CREB3: variants seen among roughly 807,000 people sequenced by gnomAD.
CREB3 encodes cAMP responsive element binding protein 3.
CREB3 carries 29 observed loss-of-function variants against 34.5 expected under a neutral mutation model. The observed-to-expected ratio is 0.84, with a 90% confidence interval of 0.63 to 1.15. The LOEUF is 1.15. Ranked by LOEUF, CREB3 falls within the 50% of genes most tolerant of loss-of-function variation. CREB3 has a pLI of 0.00. For missense variants in CREB3, 447 were observed against 443.4 expected (o/e 1.01, Z -0.07); for synonymous variants, 187 against 173.9 (o/e 1.08, Z -0.59).
rs908745731 is a variant in CREB3, at chr9:35,736,843, G to A, written c.*117G>A. The A allele has an allele frequency of 2.9e-5, 28 of 956,348 alleles. No individual in the cohort carries two copies. Among genetic ancestry groups the A allele is most frequent in the Non-Finnish European group, 4.1e-5 (26 of 637,888 alleles). The allele number at this position is 956,348 out of a possible 1,614,324, so 59.2% of individuals were successfully genotyped here. On this transcript the variant is annotated 3_prime_UTR_variant, in exon 9 of 9. Transcript: ENST00000353704. ...TCCTGTGCCCTGTCAGGACGACTGA[G>A]GGCTCAAACACACCACACTTAATGG...
chr9:35,733,784 G>C (rs185317285), intron 4 of CREB3, among the ~76,000 whole-genome samples: 1 of 152,218 alleles, frequency 6.6e-6, no homozygotes, highest in Non-Finnish European at 1.5e-5. Flanking sequence ...TTGACACTTC[G>C]TTGGCTTCAT....
Position 35,736,734 on chromosome 9 carries a change from G to A in CREB3, c.*8G>A, listed in dbSNP as rs1387756984. ...GACAGATACTCAGGCTAGATATGAG[G>A]ATATGTGGGGGGTCTCAGCAGGAGC... On this transcript the variant is annotated 3_prime_UTR_variant, in exon 9 of 9. Transcript: ENST00000353704. 1.9e-6 allele frequency: 3 copies of A among 1,593,828 alleles called. No homozygotes were observed. The highest frequency in any genetic ancestry group is 2.6e-6 in the Non-Finnish European group (3 of 1,172,368).
Position 35,732,690 on chromosome 9 carries a change from C to T in CREB3, c.-83C>T, listed in dbSNP as rs533674202. ...CGTAGAGGGACAGTGGATAGGTGCC[C>T]GAGGCCTACAGCTGGCCTGGGGCTC... On this transcript the variant is annotated 5_prime_UTR_variant, in exon 1 of 9. Transcript: ENST00000353704. This position sits in a 1 kb window ranked among gnomAD's most constrained non-coding sequence, Gnocchi z 5.1. The T allele has an allele frequency of 2.6e-6, 4 of 1,532,516 alleles. No homozygotes were observed. In the African/African-American group the frequency reaches 5.5e-5, roughly 21 times the overall value. 94.9% of individuals were successfully genotyped at this position (1,532,516 alleles called of 1,614,324 possible).
Position 35,733,268 on chromosome 9 carries a change from G to T in CREB3, c.331G>T (p.Glu111Ter). The change falls in exon 3 of 9, where the codon GAG (glutamate) becomes TAG (stop). Residue 111 changes from glutamate to a stop codon, truncating the protein, a stop_gained. Coordinates refer to ENST00000353704, the MANE Select transcript of CREB3 (RefSeq NM_006368.5). LOFTEE classifies it high-confidence loss of function. ...GTQMTPQHMEELAEQEIARLV... is the reference protein window; with the variant it reads ...GTQMTPQHME ...CCAGATGACTCCACAGCATATGGAG[G>T]AGCTGGCAGAGCAGGTACTTGACTT... 1 of 1,614,186 alleles carries T rather than the reference G, an allele frequency of 6.2e-7. No homozygotes were observed. Among genetic ancestry groups the T allele is most frequent in the Non-Finnish European group, 8.5e-7 (1 of 1,180,032 alleles).
At chr9:35,735,901 G>C in intron 6 of CREB3, 147 bp from the exon 7 acceptor site, 2 of 649,402 alleles carry the variant, frequency 3.1e-6, no homozygotes, top group South Asian at 3.9e-5. Context: ...TTTGTCCAGA[G>C]AGGAAGAAGT....
chr9:35,733,665 G>GT (rs1204947323), intron 4 of CREB3, among the ~76,000 whole-genome samples, 180 bp downstream of exon 4: 44 of 152,042 alleles, frequency 2.9e-4, no homozygotes, highest in Non-Finnish European at 2.8e-4. Flanking sequence ...GCAGATCCTC[G>GT]TTTTTGTTGG....
intron 7 of CREB3, 36 bp from the exon 8 acceptor site, chr9:35,736,191 A>G (rs1380635218): frequency 2.5e-6 from 4 of 1,613,050 alleles, no homozygotes; most frequent in Middle Eastern, 3.3e-4. Flanking sequence ...AGGGCAATCC[A>G]GAGCCCTTCT....
At chr9:35,733,304 A>C in intron 3 of CREB3, 22 bp downstream of exon 3, 2 of 1,613,906 alleles carry the variant, frequency 1.2e-6, no homozygotes, top group South Asian at 2.2e-5. Flanking sequence ...GATTTTCAGG[A>C]GATTACTCTC....
At chr9:35,733,548 C>A in intron 4 of CREB3, 63 bp downstream of exon 4, 2 of 1,118,262 alleles carry the variant, frequency 1.8e-6, no homozygotes, top group South Asian at 2.6e-5. Context: ...TAGGCAAATT[C>A]TGTTAACTTT....
At chr9:35,734,016 C>G (rs139705473) in intron 4 of CREB3, among the ~76,000 whole-genome samples, 1 of 152,088 alleles carries the variant, frequency 6.6e-6, no homozygotes, top group Non-Finnish European at 1.5e-5. Flanking sequence ...CTCTGTTGCC[C>G]AGGCTGGAGT....
In CREB3 at chr9:35,736,903, T is replaced by C; in HGVS notation, c.*177T>C. The C allele has an allele frequency of 1.4e-6, 1 of 733,318 alleles. No homozygotes were observed. The highest frequency in any genetic ancestry group is 1.9e-5 in the South Asian group (1 of 54,044). The allele number at this position is 733,318 out of a possible 1,614,324, so 45.4% of individuals were successfully genotyped here. On this transcript the variant is annotated 3_prime_UTR_variant, in exon 9 of 9. Transcript: ENST00000353704. ...TCTTTTATTTGTACCCATGTGTCTG[T>C]CACACCATGAATGTACCTGGGGAAA...
intron 4 of CREB3, 51 bp downstream of exon 4, chr9:35,733,536 A>G (rs756441379): frequency 4.1e-5 from 54 of 1,306,590 alleles, no homozygotes; most frequent in Non-Finnish European, 5.3e-5. Flanking sequence ...AAAAGTCCCA[A>G]GTAGGCAAAT....
In CREB3 at chr9:35,733,453, C is replaced by T. The variant is rs745308543; in HGVS notation, c.403C>T (p.Leu135Phe). 2 of 1,613,392 alleles carry T rather than the reference C, an allele frequency of 1.2e-6. No homozygotes were observed. Among genetic ancestry groups the T allele is most frequent in the Admixed American group, 1.7e-5 (1 of 60,024 alleles). The change falls in exon 4 of 9, where the codon CTT becomes TTT. Residue 135 changes from leucine to phenylalanine, a missense_variant. Transcript: ENST00000353704. ...GAAGAGTCTATTGGAGAAGGAGGGG[C>T]TTATTCTGCCTGAGACACTTCCTCT... ...EEKSLLEKEG[L>F]ILPETLPLTK...
chr9:35,733,047 C>T lies in CREB3; in HGVS notation c.181C>T (p.Pro61Ser), dbSNP rs1160513240. Residue 61 changes from proline to serine, a missense_variant, in exon 2 of 9, where the codon CCA becomes TCA. By Grantham distance (74) the Pro-to-Ser change is moderately conservative. Transcript: ENST00000353704. ...TTTGCTGTGCTCCCTGCTGAGTCCC[C>T]CAGCGTCGTTGAACATTCTCAGCTC... The part of the protein sequence containing the change: ...DDLLCSLLSP[P>S]ASLNILSSSN... 4.3e-6 allele frequency: 7 copies of T among 1,614,214 alleles called. No homozygotes were observed. Among genetic ancestry groups the T allele is most frequent in the Admixed American group, 1.7e-5 (1 of 60,028 alleles).
chr9:35,732,745 T>C lies in CREB3; in HGVS notation c.-28T>C. 6.3e-7 allele frequency: 1 copy of C among 1,589,078 alleles called. No homozygotes were observed. The highest frequency in any genetic ancestry group is 2.2e-5 in the East Asian group (1 of 44,778). The stretch of plus-strand genomic sequence containing the variant: ...CTGGGCTTCGGACGTTGGGGCCCGG[T>C]GGCCCACCCTTTCCGTAGTTGTCCC... On this transcript the variant is annotated 5_prime_UTR_variant, in exon 1 of 9. Coordinates refer to ENST00000353704, the MANE Select transcript of CREB3 (RefSeq NM_006368.5). The surrounding 1 kb of genome is among the most constrained non-coding windows in gnomAD (Gnocchi z 5.1).
chr9:35,735,944 A>G (rs912001572), intron 6 of CREB3, 104 bp from the exon 7 acceptor site: 7 of 817,766 alleles, frequency 8.6e-6, no homozygotes, highest in Non-Finnish European at 1.4e-5. Context: ...AGTAAGAGAG[A>G]GGATCCAGTG....
rs1588000503 is a variant in CREB3, at chr9:35,736,969, G to A, written c.*243G>A. 1.2e-6 allele frequency: 1 copy of A among 863,522 alleles called. No homozygotes were observed. The highest frequency in any genetic ancestry group is 2.7e-5 in the East Asian group (1 of 37,590). The allele number at this position is 863,522 out of a possible 1,614,324, so 53.5% of individuals were successfully genotyped here. A position where few individuals can be genotyped will look rare whatever the true frequency, so the allele number is the denominator to read the frequency against. On this transcript the variant is annotated 3_prime_UTR_variant, in exon 9 of 9. Coordinates refer to ENST00000353704, the MANE Select transcript of CREB3 (RefSeq NM_006368.5). ...GAACATTTCACGCAGTCAGGGAACA[G>A]GTGAGGAAAGAAATAAATAAGTGAT...
At chr9:35,735,054 C>A in intron 4 of CREB3, 55 bp from the exon 5 acceptor site, 1 of 1,460,760 alleles carries the variant, frequency 6.8e-7, no homozygotes, top group Non-Finnish European at 9.4e-7. Flanking sequence ...AGTTGCGTTT[C>A]AACTCCTTTT....
chr9:35,732,944 A>T lies in CREB3; in HGVS notation c.129+43A>T. 1 of 1,612,838 alleles carries T rather than the reference A, an allele frequency of 6.2e-7. No homozygotes were observed. The highest frequency in any genetic ancestry group is 1.1e-5 in the South Asian group (1 of 90,970). On this transcript the variant is annotated intron_variant, in intron 1 of 8. Transcript: ENST00000353704. This position sits in a 1 kb window ranked among gnomAD's most constrained non-coding sequence, Gnocchi z 5.1. ...CTGGGGAAAGCGTGGGATGTCCATG[A>T]AGTCAGGTGATGGTGATAAGGTCAA...
Sources: allele counts gnomAD v4.1 joint callset (sites outside exome capture counted in the v4.1 genomes callset), GRCh38; gene constraint gnomAD v4.1.1; non-coding constraint Gnocchi (gnomAD v3.1); transcripts MANE v1.5; gene names NCBI Gene and HGNC (gene_info 2026-07-23, HGNC 2026-07-21).